Variants in GUCD1 observed in about 807,000 individuals in gnomAD.
GUCD1 encodes the protein protein GUCD1.
GUCD1 carries 17 observed loss-of-function variants against 28.3 expected under a neutral mutation model. The ratio of observed to expected loss-of-function variants is 0.60; its 90% confidence interval spans 0.41 to 0.90. The LOEUF is 0.90. Among genes scored for constraint, GUCD1 ranks in the 40% least tolerant of loss-of-function variants. GUCD1 has a pLI of 0.00. For missense variants in GUCD1, 279 were observed against 305.5 expected (o/e 0.91, Z 0.65); for synonymous variants, 129 against 123.3 (o/e 1.05, Z -0.30).
intron 4 of GUCD1, 54 bp downstream of exon 4, chr22:24,546,860 C>G (rs2044740568): frequency 5.4e-6 from 8 of 1,479,576 alleles, no homozygotes; most frequent in Middle Eastern, 2.1e-4. Flanking sequence ...CACTGCAGAT[C>G]TGTGGGTGAG....
At position 24,549,350 on chromosome 22, in the gene GUCD1, C is replaced by T. The variant is rs969723652; in HGVS notation, c.44-349G>A. On this transcript the variant is annotated intron_variant, in intron 1 of 5. Transcript: ENST00000435822. ...GTCTTTGCACACCTGGTTCCTCTGC[C>T]TGGACATACCTGGCTTCCCAGGTGC... 3.7e-4 allele frequency among the ~76,000 whole-genome samples: 57 copies of T among 152,064 alleles called. 1 individual carries two copies. The highest frequency in any genetic ancestry group is 1.4e-3 in the African/African-American group (56 of 41,344).
chr22:24,553,032 C>A (rs1394318857), intron 1 of GUCD1, among the ~76,000 whole-genome samples: 1 of 152,182 alleles, frequency 6.6e-6, no homozygotes, highest in African/African-American at 2.4e-5. Flanking sequence ...TAAAGACCCA[C>A]CCAAGCCCTG....
chr22:24,549,414 A>G (rs2044813354), intron 1 of GUCD1, among the ~76,000 whole-genome samples: 1 of 151,974 alleles, frequency 6.6e-6, no homozygotes, highest in Non-Finnish European at 1.5e-5. Flanking sequence ...CTTCTCCAGT[A>G]TTGCCCCTCT....
chr22:24,548,875 TA>T, intron 2 of GUCD1, 41 bp downstream of exon 2: 1 of 1,445,100 alleles, frequency 6.9e-7, no homozygotes, highest in Non-Finnish European at 9.5e-7. Context: ...GCAGAAGATG[TA>T]GATGGGAAGC....
chr22:24,549,092 G>C (rs753101347), intron 1 of GUCD1, 91 bp from the exon 2 acceptor site: 2 of 857,562 alleles, frequency 2.3e-6, no homozygotes, highest in Non-Finnish European at 3.7e-6. Flanking sequence ...CTCCTGCCTA[G>C]ACCCTGCAGG....
intron 4 of GUCD1, among the ~76,000 whole-genome samples, chr22:24,544,860 A>G (rs2044685045): frequency 6.6e-6 from 1 of 152,158 alleles, no homozygotes; most frequent in South Asian, 2.1e-4. Flanking sequence ...AAAACATTTA[A>G]AAATTTACCA....
At chr22:24,543,183 T>A (rs1474227441) in intron 5 of GUCD1, 86 bp from the exon 6 acceptor site, 1 of 961,546 alleles carries the variant, frequency 1.0e-6, no homozygotes, top group African/African-American at 1.6e-5. Flanking sequence ...GGGAGCTGAG[T>A]GAGGTCTGTT....
intron 4 of GUCD1, among the ~76,000 whole-genome samples, chr22:24,545,672 C>T (rs1207728141): frequency 6.6e-6 from 1 of 151,714 alleles, no homozygotes; most frequent in Non-Finnish European, 1.5e-5. Context: ...GGCGCGATCT[C>T]GGCTCACTGC....
intron 5 of GUCD1, 45 bp downstream of exon 5, chr22:24,543,797 G>T (rs1403788192): frequency 1.2e-6 from 2 of 1,601,568 alleles, no homozygotes; most frequent in African/African-American, 2.7e-5. Context: ...ATACAGAACA[G>T]TGAATGTGGA....
intron 1 of GUCD1, among the ~76,000 whole-genome samples, chr22:24,554,152 G>A (rs1446013314): frequency 6.6e-6 from 1 of 152,236 alleles, no homozygotes; most frequent in Non-Finnish European, 1.5e-5. Flanking sequence ...ACAACTGCAC[G>A]CAGCGCGCGC....
At chr22:24,547,855 C>T (rs2147084391) in intron 3 of GUCD1, 53 bp downstream of exon 3, 2 of 1,594,674 alleles carry the variant, frequency 1.3e-6, no homozygotes, top group Middle Eastern at 3.7e-4. Context: ...AACCAGGTGG[C>T]CTTATACCTC....
chr22:24,554,190 G>A (rs1272906903), intron 1 of GUCD1, among the ~76,000 whole-genome samples: 4 of 152,236 alleles, frequency 2.6e-5, no homozygotes. Flanking sequence ...CCCTGTGAAT[G>A]TAAGCCATTC....
chr22:24,544,863 A>C (rs778454121), intron 4 of GUCD1, among the ~76,000 whole-genome samples: 2 of 152,062 alleles, frequency 1.3e-5, no homozygotes, highest in Non-Finnish European at 2.9e-5. Flanking sequence ...ACATTTAAAA[A>C]TTTACCAGGC....
At chr22:24,545,810 C>T (rs1425984233) in intron 4 of GUCD1, among the ~76,000 whole-genome samples, 20 of 151,586 alleles carry the variant, frequency 1.3e-4, no homozygotes, top group Admixed American at 1.3e-3. Flanking sequence ...TCACCATGAT[C>T]TCGATCTCCT....
chr22:24,555,698 GC>G (rs906916294), upstream of GUCD1: 7 of 1,550,534 alleles, frequency 4.5e-6, no homozygotes, highest in African/African-American at 8.2e-5. Flanking sequence ...CGGTCTGAGG[GC>G]CCAAGCCCCG....
intron 3 of GUCD1, chr22:24,547,396 G>A (rs1448119696): frequency 9.4e-6 from 2 of 213,226 alleles, no homozygotes; most frequent in Admixed American, 5.2e-5. Context: ...GCTAGGTGTC[G>A]TCCACGGAAC....
chr22:24,544,388 G>C (rs2044674549), intron 4 of GUCD1, among the ~76,000 whole-genome samples: 1 of 152,244 alleles, frequency 6.6e-6, no homozygotes, highest in Admixed American at 6.5e-5. Flanking sequence ...GCAGCACACA[G>C]AAACCATCCT....
Position 24,543,851 on chromosome 22 carries a change from A to G in GUCD1, c.619T>C (p.Tyr207His). The part of the protein sequence containing the change: ...TGCIFYNNPA[Y>H]ADRMCSTSIS... Reference sequence around the variant, plus strand: ...CCCACCCAGCACTCACGGTCGGCATAGGCTGGGTTGTTGTAGAAGATGCAG... The same window carrying G: ...CCCACCCAGCACTCACGGTCGGCATGGGCTGGGTTGTTGTAGAAGATGCAG... Residue 207 changes from tyrosine (Y) to histidine (H), a missense_variant, in exon 5 of 6, where the codon TAT (tyrosine) becomes CAT (histidine). Coordinates refer to ENST00000435822, the MANE Select transcript of GUCD1 (RefSeq NM_001284254.2). 1.2e-6 allele frequency: 2 copies of G among 1,613,924 alleles called. No homozygotes were observed. Among genetic ancestry groups the G allele is most frequent in the Non-Finnish European group, 1.7e-6 (2 of 1,179,922 alleles).
intron 1 of GUCD1, among the ~76,000 whole-genome samples, chr22:24,549,928 A>G (rs1331097145): frequency 1.3e-5 from 2 of 152,220 alleles, no homozygotes; most frequent in African/African-American, 4.8e-5. Flanking sequence ...GCTTGACTCC[A>G]AAGACCCCAG....
Sources: gnomAD v4.1 joint callset for allele counts (sites outside exome capture counted in the v4.1 genomes callset) on GRCh38, gnomAD v4.1.1 for gene constraint, MANE v1.5 for transcripts, NCBI Gene and HGNC (gene_info 2026-07-23, HGNC 2026-07-21) for gene names.